ZFR: variants seen among roughly 807,000 people sequenced by gnomAD.
The protein encoded by ZFR is zinc finger RNA binding protein.
In ZFR, 19 loss-of-function variants were observed where a neutral mutation model predicts 130.7. The observed-to-expected ratio is 0.15, with a 90% CI of 0.10 to 0.21. The LOEUF is 0.21. Among genes scored for constraint, ZFR ranks in the 10% least tolerant of loss-of-function variants. The pLI is 1.00. For synonymous variants in ZFR, 466 were observed against 456.9 expected, an observed-to-expected ratio of 1.02 and a Z score of -0.25; for missense variants, 872 against 1,321.5, an observed-to-expected ratio of 0.66 and a Z score of 5.27.
At chr5:32,420,958 G>A (rs1488836917) in intron 2 of ZFR, among the ~76,000 whole-genome samples, 1 of 152,152 alleles carries the variant, frequency 6.6e-6, no homozygotes, top group Non-Finnish European at 1.5e-5. Flanking sequence ...TGTAAAAGAA[G>A]ACACAAATCA....
At chr5:32,397,179 T>C in intron 10 of ZFR, 40 bp downstream of exon 10, 1 of 1,560,874 alleles carries the variant, frequency 6.4e-7, no homozygotes, top group South Asian at 1.2e-5. Context: ...TTGTTTTTGT[T>C]TTTTGTTTTA....
chr5:32,363,916 C>T (rs1332903157), intron 19 of ZFR, 32 bp downstream of exon 19: 1 of 1,573,660 alleles, frequency 6.4e-7, no homozygotes. Context: ...TGGAGTAACC[C>T]AATAGGGCTC....
At chr5:32,434,652 T>G (rs1476715201) in intron 2 of ZFR, among the ~76,000 whole-genome samples, 2 of 152,210 alleles carry the variant, frequency 1.3e-5, no homozygotes, top group Non-Finnish European at 2.9e-5. Flanking sequence ...GAATACGTGA[T>G]AGAGGAAATA....
rs1753140389 is a variant in ZFR at position 32,390,357 on chromosome 5, C to T, written c.2060G>A (p.Gly687Glu). Residue 687 changes from glycine to glutamate, a missense_variant, in exon 12 of 20, where the codon GGA becomes GAA. This residue lies in a region of ZFR where 225 missense variants were observed against 282.4 expected (regional missense o/e 0.80). Coordinates refer to ENST00000265069, the MANE Select transcript of ZFR (RefSeq NM_016107.5). ...GCCTGGAGGACCATGAGGATAACCT[C>T]CATCTGGCATTCGGCGGCGATCATC... is the stretch of plus-strand genomic sequence containing the variant. ...HWDDRRRMPD[G>E]GYPHGPPGPL... The T allele has an allele frequency of 2.5e-6, 4 of 1,614,186 alleles. No homozygotes were observed. Among genetic ancestry groups the T allele is most frequent in the Non-Finnish European group, 3.4e-6 (4 of 1,180,018 alleles).
At chr5:32,412,011 A>T (rs1447565498) in intron 5 of ZFR, among the ~76,000 whole-genome samples, 3 of 152,242 alleles carry the variant, frequency 2.0e-5, no homozygotes, top group African/African-American at 7.2e-5. Context: ...GGAAGGAGGG[A>T]ACTCTAGAGA....
chr5:32,362,073 T>C (rs1752447226), intron 19 of ZFR, among the ~76,000 whole-genome samples: 1 of 152,180 alleles, frequency 6.6e-6, no homozygotes, highest in African/African-American at 2.4e-5. Context: ...AATTCTACCA[T>C]ATTACTGGCA....
chr5:32,403,728 T>C (rs1347492494), intron 7 of ZFR, among the ~76,000 whole-genome samples, 178 bp downstream of exon 7: 1 of 152,220 alleles, frequency 6.6e-6, no homozygotes, highest in Non-Finnish European at 1.5e-5. Context: ...GTCTCCAGTC[T>C]TTCCCTCTTT....
intron 2 of ZFR, among the ~76,000 whole-genome samples, chr5:32,442,188 T>G (rs1224976123): frequency 6.6e-6 from 1 of 152,184 alleles, no homozygotes; most frequent in East Asian, 1.9e-4. Context: ...TCAGCCCATA[T>G]GAGGAAAACA....
At chr5:32,413,574 C>CAGAGAA (rs1349253297) in intron 5 of ZFR, among the ~76,000 whole-genome samples, 1 of 151,490 alleles carries the variant, frequency 6.6e-6, no homozygotes, top group Non-Finnish European at 1.5e-5. Flanking sequence ...TATAGACAAC[C>CAGAGAA]AGAGAAAGAG....
intron 19 of ZFR, among the ~76,000 whole-genome samples, chr5:32,357,051 C>T (rs868274151): frequency 1.3e-5 from 2 of 152,044 alleles, no homozygotes; most frequent in African/African-American, 2.4e-5. Flanking sequence ...TGCAGTGGTG[C>T]CATCACAACT....
At chr5:32,390,156 A>G in intron 12 of ZFR, 119 bp downstream of exon 12, 10 of 1,371,694 alleles carry the variant, frequency 7.3e-6, no homozygotes, top group Middle Eastern at 5.4e-4. Context: ...CTCTGTCTCA[A>G]AAAAACTACC....
At chr5:32,438,575 T>C (rs962272905) in intron 2 of ZFR, among the ~76,000 whole-genome samples, 4 of 152,168 alleles carry the variant, frequency 2.6e-5, no homozygotes, top group African/African-American at 9.7e-5. Flanking sequence ...TGCCTGATCA[T>C]AGATCCAGAA....
chr5:32,429,645 G>A (rs1754158529), intron 2 of ZFR, among the ~76,000 whole-genome samples: 1 of 152,166 alleles, frequency 6.6e-6, no homozygotes, highest in Non-Finnish European at 1.5e-5. Flanking sequence ...CTTACCTGTT[G>A]AGCAAGCCTA....
chr5:32,379,417 A>G, intron 16 of ZFR: 1 of 585,586 alleles, frequency 1.7e-6, no homozygotes, highest in Non-Finnish European at 3.1e-6. Flanking sequence ...AGGTCAAAGT[A>G]AACAGATTAT....
intron 2 of ZFR, among the ~76,000 whole-genome samples, chr5:32,428,884 A>C (rs1327109969): frequency 1.3e-5 from 2 of 151,964 alleles, no homozygotes; most frequent in African/African-American, 4.8e-5. Context: ...GTTAGCAGAG[A>C]CATGGAAGAA....
intron 6 of ZFR, among the ~76,000 whole-genome samples, chr5:32,405,385 G>A (rs1372748474): frequency 6.6e-6 from 1 of 152,110 alleles, no homozygotes; most frequent in Non-Finnish European, 1.5e-5. Context: ...CAATCTCAAT[G>A]ATATTTTTCG....
chr5:32,443,972 G>A (rs1434334213), intron 2 of ZFR, among the ~76,000 whole-genome samples: 11 of 151,874 alleles, frequency 7.2e-5, no homozygotes, highest in African/African-American at 2.7e-4. Context: ...AGGGCCCTGA[G>A]GCCTCCACGT....
intron 17 of ZFR, among the ~76,000 whole-genome samples, chr5:32,367,406 G>C (rs1752570450): frequency 6.6e-6 from 1 of 152,002 alleles, no homozygotes; most frequent in African/African-American, 2.4e-5. Flanking sequence ...CTGCACTCCA[G>C]CCTGGGCGAC....
At position 32,411,996 on chromosome 5, in the gene ZFR, G is replaced by A. The variant is rs552141055; in HGVS notation, c.784+2973C>T. Among the ~76,000 whole-genome samples, 11 of 152,090 alleles carry A rather than the reference G, an allele frequency of 7.2e-5. No individual in the cohort carries two copies. The East Asian group carries it at 2.1e-3, about 29-fold the overall frequency. Reference sequence around the variant, plus strand: ...TAAGTTCATAGTAATAACAAAAAAAGAAGTGGAAGGAGGGAACTCTAGAGA... The same window carrying A: ...TAAGTTCATAGTAATAACAAAAAAAAAAGTGGAAGGAGGGAACTCTAGAGA... On this transcript the variant is annotated intron_variant, in intron 5 of 19. Coordinates refer to ENST00000265069, the MANE Select transcript of ZFR (RefSeq NM_016107.5).
Sources: gnomAD v4.1 joint callset for allele counts (sites outside exome capture counted in the v4.1 genomes callset) on GRCh38, gnomAD v4.1.1 for gene constraint, gnomAD v4.1.1 regional missense constraint, MANE v1.5 for transcripts, NCBI Gene and HGNC (gene_info 2026-07-23, HGNC 2026-07-21) for gene names.